Variants in ELMO1 observed in about 807,000 individuals in gnomAD.
ELMO1 encodes the protein engulfment and cell motility 1.
Under a neutral mutation model 98.9 loss-of-function variants are expected in ELMO1, and 26 were observed. The ratio of observed to expected loss-of-function variants is 0.26; its 90% CI spans 0.19 to 0.36. ELMO1 has a LOEUF of 0.36. ELMO1 is among the 10% of genes least tolerant of loss of function. ELMO1 has a pLI of 1.00. For missense variants in ELMO1, 627 were observed against 935.2 expected, an observed-to-expected ratio of 0.67 and a Z score of 4.30; for synonymous variants, 346 against 346.0, an observed-to-expected ratio of 1.00 and a Z score of 0.00.
chr7:37,217,700 T>C (rs1207847946), intron 10 of ELMO1: 2 of 456,924 alleles, frequency 4.4e-6, no homozygotes, highest in Non-Finnish European at 8.8e-6. Flanking sequence ...AAAGGGAACG[T>C]GGGTGACTTA....
intron 16 of ELMO1, among the ~76,000 whole-genome samples, chr7:36,904,715 A>T (rs1413284873): frequency 6.6e-6 from 1 of 152,248 alleles, no homozygotes; most frequent in Non-Finnish European, 1.5e-5. Context: ...TGTTTATGCA[A>T]GCAACATCCT....
chr7:37,157,469 T>C (rs1372678986), intron 13 of ELMO1, among the ~76,000 whole-genome samples: 1 of 152,120 alleles, frequency 6.6e-6, no homozygotes, highest in Non-Finnish European at 1.5e-5. Flanking sequence ...TTCAGCAAAG[T>C]CTCAGGATAC....
intron 1 of ELMO1, among the ~76,000 whole-genome samples, chr7:37,363,848 G>A (rs1201673065): frequency 6.6e-6 from 1 of 152,164 alleles, no homozygotes; most frequent in Non-Finnish European, 1.5e-5. Context: ...CCAGGGCTTA[G>A]GAATCAGGGT....
intron 4 of ELMO1, among the ~76,000 whole-genome samples, chr7:37,302,712 G>C (rs1470353343): frequency 6.6e-6 from 1 of 152,062 alleles, no homozygotes; most frequent in Non-Finnish European, 1.5e-5. Context: ...CCAAATCCTG[G>C]CCTGGAGAAA....
At chr7:37,236,947 A>G (rs940800051) in intron 7 of ELMO1, among the ~76,000 whole-genome samples, 1 of 152,216 alleles carries the variant, frequency 6.6e-6, no homozygotes, top group Non-Finnish European at 1.5e-5. Context: ...AAGAATTACA[A>G]ATATAAAGCA....
intron 13 of ELMO1, among the ~76,000 whole-genome samples, chr7:37,188,440 A>G (rs1311016522): frequency 5.4e-5 from 2 of 37,374 alleles, no homozygotes; most frequent in African/African-American, 2.0e-4. Flanking sequence ...ACACACACAC[A>G]CACACACACA....
chr7:37,143,791 GC>G (rs1308107419), intron 13 of ELMO1, among the ~76,000 whole-genome samples: 42 of 142,548 alleles, frequency 2.9e-4, no homozygotes, highest in Non-Finnish European at 1.5e-5. Context: ...GCTCACTGCA[GC>G]CTCTGCCCCC....
intron 1 of ELMO1, among the ~76,000 whole-genome samples, chr7:37,393,454 T>C (rs1033309294): frequency 6.6e-6 from 1 of 152,194 alleles, no homozygotes; most frequent in Non-Finnish European, 1.5e-5. Context: ...ATAATAGTAC[T>C]TTATAGTACA....
chr7:36,897,873 G>A (rs1346995076), intron 16 of ELMO1, among the ~76,000 whole-genome samples: 1 of 152,182 alleles, frequency 6.6e-6, no homozygotes, highest in African/African-American at 2.4e-5. Context: ...CTTTTCCTAA[G>A]ACTAGGTTGA....
chr7:36,952,825 G>T (rs773553221), intron 16 of ELMO1, among the ~76,000 whole-genome samples: 2 of 152,224 alleles, frequency 1.3e-5, no homozygotes, highest in Admixed American at 6.5e-5. Context: ...AGGAGGAAGA[G>T]AGCAGTATCA....
At chr7:37,425,616 T>C (rs77137956) in intron 1 of ELMO1, among the ~76,000 whole-genome samples, 2,381 of 152,350 alleles carry the variant, frequency 0.016, 68 homozygotes, top group African/African-American at 0.055. Context: ...TGCCAACAGC[T>C]AGTTTTGGCT....
intron 4 of ELMO1, among the ~76,000 whole-genome samples, chr7:37,276,265 A>G (rs1016167104): frequency 2.0e-5 from 3 of 152,032 alleles, no homozygotes; most frequent in African/African-American, 7.3e-5. Flanking sequence ...GAAATGAGAT[A>G]GGAAGAGAGA....
chr7:37,155,356 C>T (rs1788663310), intron 13 of ELMO1, among the ~76,000 whole-genome samples: 1 of 152,056 alleles, frequency 6.6e-6, no homozygotes, highest in Admixed American at 6.5e-5. Flanking sequence ...AATTAAAAGA[C>T]ACAGACTGGC....
At chr7:36,956,743 G>C (rs1489719539) in intron 16 of ELMO1, among the ~76,000 whole-genome samples, 3 of 152,160 alleles carry the variant, frequency 2.0e-5, no homozygotes, top group African/African-American at 7.2e-5. Context: ...CATCGATCGG[G>C]CAATTTTTTA....
At chr7:37,093,158 G>A (rs75888890) in intron 15 of ELMO1, among the ~76,000 whole-genome samples, 2,561 of 151,560 alleles carry the variant, frequency 0.017, 92 homozygotes, top group African/African-American at 0.059. Flanking sequence ...CAATAATTGG[G>A]AAGCAGGAAA....
chr7:37,389,629 G>C (rs16879652), intron 1 of ELMO1, among the ~76,000 whole-genome samples: 2,945 of 152,246 alleles, frequency 0.019, 105 homozygotes, highest in African/African-American at 0.068. Context: ...TGTGGAGCAT[G>C]AAGAGGCAGG....
At chr7:37,308,151 C>G (rs1437197029) in intron 4 of ELMO1, among the ~76,000 whole-genome samples, 1 of 151,996 alleles carries the variant, frequency 6.6e-6, no homozygotes, top group Non-Finnish European at 1.5e-5. Flanking sequence ...AATAAAACAC[C>G]CATGCATTCT....
At chr7:37,141,111 G>A (rs575172575) in intron 13 of ELMO1, among the ~76,000 whole-genome samples, 1 of 152,296 alleles carries the variant, frequency 6.6e-6, no homozygotes, top group South Asian at 2.1e-4. Flanking sequence ...ATTTGCAACT[G>A]CAAAAATATG....
At chr7:36,975,284 AC>A (rs1300955876) in intron 16 of ELMO1, among the ~76,000 whole-genome samples, 9 of 152,160 alleles carry the variant, frequency 5.9e-5, no homozygotes, top group African/African-American at 2.2e-4. Context: ...AGCCTGGGCA[AC>A]ATGGTGAAAC....
Sources: allele counts gnomAD v4.1 joint callset (sites outside exome capture counted in the v4.1 genomes callset), GRCh38; gene constraint gnomAD v4.1.1; transcripts MANE v1.5; gene names NCBI Gene and HGNC (gene_info 2026-07-23, HGNC 2026-07-21).